The following PTPRD variants were observed in gnomAD, a reference collection of about 807,000 sequenced individuals.
PTPRD encodes the protein receptor-type tyrosine-protein phosphatase delta.
PTPRD carries 34 observed loss-of-function variants against 214.5 expected under a neutral mutation model. The ratio of observed to expected loss-of-function variants is 0.16; its 90% CI spans 0.12 to 0.21. The LOEUF (loss-of-function observed/expected upper bound fraction) is 0.21, where lower values mean the gene tolerates loss of function less well. Among genes scored for constraint, PTPRD ranks in the 10% least tolerant of loss-of-function variants. The pLI, the probability that PTPRD is intolerant of heterozygous loss-of-function variation, is 1.00. For missense variants in PTPRD, 2,545 were observed against 2,398.7 expected (o/e 1.06, Z -1.27); for synonymous variants, 1,128 against 845.7 (o/e 1.33, Z -5.79).
In PTPRD at chr9:9,203,402, A is replaced by G. The variant is rs182665299; in HGVS notation, c.-202-20039T>C. On this transcript the variant is annotated intron_variant, in intron 9 of 45. Coordinates refer to ENST00000381196, the MANE Select transcript of PTPRD (RefSeq NM_002839.4). ...ACCCATTGAATTGCATGTTTTTGTTATGCTTTACCACATATCCCATAGGAA... is the reference window on the plus strand; with the variant it reads ...ACCCATTGAATTGCATGTTTTTGTTGTGCTTTACCACATATCCCATAGGAA... Among the ~76,000 whole-genome samples the G allele has an allele frequency of 1.5e-4, 23 of 152,226 alleles. No individual in the cohort carries two copies. In the South Asian group the frequency reaches 2.3e-3, roughly 15 times the overall value.
rs906671017 is a variant in PTPRD at position 9,434,747 on chromosome 9, C to T, written c.-236-37265G>A. ...ACAAATCGTACCCCATAAATATGTA[C>T]AATTACAATGTGTCAGTTATGCACA... On this transcript the variant is annotated intron_variant, in intron 8 of 45. Coordinates refer to ENST00000381196, the MANE Select transcript of PTPRD (RefSeq NM_002839.4). Among the ~76,000 whole-genome samples the T allele has an allele frequency of 1.3e-5, 2 of 151,696 alleles. 1 individual carries two copies. The highest frequency in any genetic ancestry group is 2.9e-5 in the Non-Finnish European group (2 of 67,910).
At chr9:9,697,896 A>G (rs1440554139) in intron 7 of PTPRD, among the ~76,000 whole-genome samples, 1 of 152,112 alleles carries the variant, frequency 6.6e-6, no homozygotes, top group South Asian at 2.1e-4. Flanking sequence ...CTTTGAGCTC[A>G]CTGATTCTTT....
chr9:9,844,066 T>C (rs1375851692), intron 5 of PTPRD, among the ~76,000 whole-genome samples: 2 of 152,006 alleles, frequency 1.3e-5, no homozygotes, highest in Non-Finnish European at 2.9e-5. Flanking sequence ...CTTTGGGTAC[T>C]TTAATGACTT....
chr9:9,446,671 T>C (rs1183091327), intron 8 of PTPRD, among the ~76,000 whole-genome samples: 1 of 152,150 alleles, frequency 6.6e-6, no homozygotes, highest in Non-Finnish European at 1.5e-5. Context: ...AAATGGGATC[T>C]AATTAAACTA....
At position 10,447,421 on chromosome 9, in the gene PTPRD, T is replaced by C. The variant is rs1285297766; in HGVS notation, c.-599-106404A>G. Among the ~76,000 whole-genome samples the C allele has an allele frequency of 2.0e-5, 3 of 151,954 alleles. 1 individual carries two copies. Among genetic ancestry groups the C allele is most frequent in the Admixed American group, 1.3e-4 (2 of 15,270 alleles). ...CTGTTAATATTCTCAGCTTTTCACA[T>C]AACTATCTCTGAACACTCTGGCTTT... On this transcript the variant is annotated intron_variant, in intron 2 of 45. Coordinates refer to ENST00000381196, the MANE Select transcript of PTPRD (RefSeq NM_002839.4).
chr9:10,131,641 G>A (rs2098886568), intron 3 of PTPRD, among the ~76,000 whole-genome samples: 1 of 152,124 alleles, frequency 6.6e-6, no homozygotes, highest in South Asian at 2.1e-4. Context: ...GAAGATGTAA[G>A]CTATTAAGCA....
intron 12 of PTPRD, among the ~76,000 whole-genome samples, chr9:8,647,905 A>G (rs1303319684): frequency 6.6e-6 from 1 of 152,220 alleles, no homozygotes; most frequent in Non-Finnish European, 1.5e-5. Flanking sequence ...GACCATTAGC[A>G]CAGCTGACCA....
At chr9:9,457,712 T>C (rs996373382) in intron 8 of PTPRD, among the ~76,000 whole-genome samples, 3 of 152,040 alleles carry the variant, frequency 2.0e-5, no homozygotes, top group African/African-American at 7.2e-5. Context: ...ACCATTAGGT[T>C]TTTTCCATAC....
chr9:10,283,927 T>C (rs2095248376), intron 3 of PTPRD, among the ~76,000 whole-genome samples: 1 of 152,196 alleles, frequency 6.6e-6, no homozygotes, highest in South Asian at 2.1e-4. Flanking sequence ...TGGGTCTGGT[T>C]CTAGGGCACA....
chr9:8,905,309 C>G (rs2098699928), intron 11 of PTPRD, among the ~76,000 whole-genome samples: 1 of 151,784 alleles, frequency 6.6e-6, no homozygotes, highest in African/African-American at 2.4e-5. Context: ...TTTCCCTTGG[C>G]CTTCTTCCCG....
At position 8,351,742 on chromosome 9, in the gene PTPRD, T is replaced by TAAA. The variant is rs71317359; in HGVS notation, c.4662-9767_4662-9765dup. ...AGAGAGGAGACTGCTTGGCAAAGAG[T>TAAA]AAAAAAAAAAAAAAAAAAAAAAAAA... On this transcript the variant is annotated intron_variant, in intron 39 of 45. Coordinates refer to ENST00000381196, the MANE Select transcript of PTPRD (RefSeq NM_002839.4). Among the ~76,000 whole-genome samples the TAAA allele has an allele frequency of 1.8e-3, 125 of 68,524 alleles. 14 individuals carry two copies. The highest frequency in any genetic ancestry group is 7.1e-3 in the African/African-American group (97 of 13,674). The allele number at this position is 68,524 out of a possible 152,430, so 45.0% of individuals were successfully genotyped here. A position where few individuals can be genotyped will look rare whatever the true frequency, so the allele number is the denominator to read the frequency against.
intron 9 of PTPRD, among the ~76,000 whole-genome samples, chr9:9,391,792 C>T (rs930335282): frequency 3.9e-5 from 6 of 152,172 alleles, no homozygotes; most frequent in African/African-American, 1.4e-4. Flanking sequence ...GGAAATGCCA[C>T]TGTATTTCTA....
intron 30 of PTPRD, among the ~76,000 whole-genome samples, chr9:8,483,662 C>T (rs1388710494): frequency 6.6e-6 from 1 of 152,090 alleles, no homozygotes; most frequent in African/African-American, 2.4e-5. Flanking sequence ...TGAGGCAATC[C>T]CAGCTACTTG....
At chr9:10,284,700 C>T (rs1400813897) in intron 3 of PTPRD, among the ~76,000 whole-genome samples, 1 of 152,108 alleles carries the variant, frequency 6.6e-6, no homozygotes, top group Non-Finnish European at 1.5e-5. Flanking sequence ...CAGGGTCTTC[C>T]AAGCTCATTT....
chr9:10,591,572 A>G (rs2075451656), intron 2 of PTPRD, among the ~76,000 whole-genome samples: 1 of 151,780 alleles, frequency 6.6e-6, no homozygotes. Flanking sequence ...TGCAAGATCT[A>G]TTAAAATCAC....
intron 10 of PTPRD, among the ~76,000 whole-genome samples, chr9:9,082,636 G>T (rs901864551): frequency 1.4e-4 from 22 of 152,086 alleles, no homozygotes; most frequent in Admixed American, 1.4e-3. Flanking sequence ...TGACATGATT[G>T]TATATTTAGA....
intron 4 of PTPRD, among the ~76,000 whole-genome samples, chr9:9,983,001 A>C (rs1260709712): frequency 6.6e-6 from 1 of 152,058 alleles, no homozygotes; most frequent in Non-Finnish European, 1.5e-5. Flanking sequence ...AATCAATGGA[A>C]TATTCTATAT....
At chr9:8,964,525 CT>C (rs1171878358) in intron 11 of PTPRD, among the ~76,000 whole-genome samples, 1 of 151,714 alleles carries the variant, frequency 6.6e-6, no homozygotes, top group African/African-American at 2.4e-5. Context: ...TTCATTGATT[CT>C]TTTTATGGAT....
intron 10 of PTPRD, among the ~76,000 whole-genome samples, chr9:9,046,933 G>A (rs1436102325): frequency 6.6e-6 from 1 of 151,996 alleles, no homozygotes; most frequent in Non-Finnish European, 1.5e-5. Context: ...TCAGACAAGA[G>A]AAAGAAATAA....
Sources: allele counts gnomAD v4.1 joint callset (sites outside exome capture counted in the v4.1 genomes callset), GRCh38; gene constraint gnomAD v4.1.1; transcripts MANE v1.5; gene names NCBI Gene and HGNC (gene_info 2026-07-23, HGNC 2026-07-21).